Variants in ERAP1 observed in about 807,000 individuals in gnomAD.
ERAP1 encodes the protein adipocyte-derived leucine aminopeptidase.
Under a neutral mutation model 103.7 loss-of-function variants are expected in ERAP1, and 86 were observed. The observed-to-expected ratio is 0.83, with a 90% CI of 0.70 to 0.99. The LOEUF (loss-of-function observed/expected upper bound fraction) is 0.99, where lower values mean the gene tolerates loss of function less well. Ranked by LOEUF, ERAP1 falls within the 50% of genes least tolerant of loss-of-function variation. The probability of loss-of-function intolerance (pLI) is 0.00; values close to 1 mark genes in which losing one functional copy is unlikely to be tolerated. For missense variants in ERAP1, 1,009 were observed against 1,128.4 expected (o/e 0.89, Z 1.52); for synonymous variants, 398 against 402.4 (o/e 0.99, Z 0.13).
At chr5:96,866,845 C>T in the ERAP1 span, among the ~76,000 whole-genome samples, 1 of 152,202 alleles carries the variant, frequency 6.6e-6, no homozygotes, top group African/African-American at 2.4e-5. Context: ...ATAAACCATT[C>T]TGAAGCCAGG....
chr5:96,858,124 G>T, the ERAP1 span, among the ~76,000 whole-genome samples: 1 of 152,122 alleles, frequency 6.6e-6, no homozygotes, highest in Non-Finnish European at 1.5e-5. Flanking sequence ...AAGCCACAAT[G>T]GGAGATAATT....
the ERAP1 span, among the ~76,000 whole-genome samples, chr5:96,893,596 T>G: frequency 6.6e-6 from 1 of 152,328 alleles, no homozygotes; most frequent in East Asian, 1.9e-4. Flanking sequence ...CTCTGTGAGC[T>G]CTACCTCTGA....
chr5:96,782,976 A>G, intron 15 of ERAP1, 75 bp downstream of exon 15: 1 of 1,487,970 alleles, frequency 6.7e-7, no homozygotes, highest in African/African-American at 1.4e-5. Context: ...GTTTTCCCTA[A>G]TGTTTAGTAC....
chr5:96,833,385 A>T, the ERAP1 span, among the ~76,000 whole-genome samples: 2 of 152,176 alleles, frequency 1.3e-5, no homozygotes, highest in Non-Finnish European at 2.9e-5. Flanking sequence ...ATTTCTCAAC[A>T]GGTTATTTTT....
At chr5:96,891,288 A>G in the ERAP1 span, among the ~76,000 whole-genome samples, 2 of 151,756 alleles carry the variant, frequency 1.3e-5, no homozygotes, top group Non-Finnish European at 2.9e-5. Context: ...TTTTTAGCCT[A>G]CGTGAAATCA....
chr5:96,793,991 C>T (rs773916197), intron 5 of ERAP1, 34 bp from the exon 6 acceptor site: 19 of 1,608,426 alleles, frequency 1.2e-5, no homozygotes, highest in Non-Finnish European at 1.6e-5. Flanking sequence ...CATTACCAGT[C>T]TCTAAGCTAT....
chr5:96,911,955 T>C, the ERAP1 span, among the ~76,000 whole-genome samples: 9 of 150,632 alleles, frequency 6.0e-5, no homozygotes, highest in East Asian at 1.2e-3. Flanking sequence ...TTTGGGAGGC[T>C]GAGGCGGGCG....
chr5:96,859,002 C>T, the ERAP1 span, among the ~76,000 whole-genome samples: 1 of 150,968 alleles, frequency 6.6e-6, no homozygotes, highest in Admixed American at 6.6e-5. Flanking sequence ...ATATTGGTTG[C>T]TACAATTCCA....
At chr5:96,790,108 C>T (rs1776556359) in intron 10 of ERAP1, among the ~76,000 whole-genome samples, 188 bp downstream of exon 10, 1 of 152,174 alleles carries the variant, frequency 6.6e-6, no homozygotes, top group South Asian at 2.1e-4. Flanking sequence ...CTCTGCAACC[C>T]TCCAGTATAG....
chr5:96,910,245 A>G, the ERAP1 span: 1 of 149,078 alleles, frequency 6.7e-6, no homozygotes, highest in South Asian at 2.1e-4. Flanking sequence ...AGTCTGGGCA[A>G]CAGAGAAAGG....
chr5:96,783,851 AC>A lies in ERAP1; in HGVS notation c.2100+72del. 1.8e-5 allele frequency: 7 copies of A among 397,122 alleles called. 1 individual carries two copies. Among genetic ancestry groups the A allele is most frequent in the Non-Finnish European group, 2.3e-5 (7 of 301,732 alleles). The allele number at this position is 397,122 out of a possible 1,614,324, so 24.6% of individuals were successfully genotyped here. A position where few individuals can be genotyped will look rare whatever the true frequency, so the allele number is the denominator to read the frequency against. On this transcript the variant is annotated intron_variant, in intron 14 of 18. Transcript: ENST00000443439. ...CACACACACACACACACACACACAC[AC>A]ACATACACACACAATGATTAACACT...
chr5:96,933,211 C>CTTTTTTTTTTTTT, the ERAP1 span, among the ~76,000 whole-genome samples: 3 of 72,800 alleles, frequency 4.1e-5, no homozygotes, highest in African/African-American at 6.0e-5. Flanking sequence ...AAAACCACGT[C>CTTTTTTTTTTTTT]TTTTTTTTTT....
At chr5:96,839,202 G>C in the ERAP1 span, among the ~76,000 whole-genome samples, 1 of 152,232 alleles carries the variant, frequency 6.6e-6, no homozygotes, top group Non-Finnish European at 1.5e-5. Flanking sequence ...CGTAAAAGGT[G>C]TGTCACTAAC....
chr5:96,784,195 TTATAAA>T (rs1344991329), intron 13 of ERAP1, 115 bp from the exon 14 acceptor site: 1 of 1,156,844 alleles, frequency 8.6e-7, no homozygotes, highest in Non-Finnish European at 1.3e-6. Context: ...TAAATGTCCC[TTATAAA>T]TAGATAACTA....
At position 96,803,795 on chromosome 5, in the gene ERAP1, C is replaced by G. The variant is rs372008555; in HGVS notation, c.132G>C (p.Gly44=). The G allele has an allele frequency of 8.1e-6, 13 of 1,614,120 alleles. No individual in the cohort carries two copies. The highest frequency in any genetic ancestry group is 1.1e-5 in the Non-Finnish European group (13 of 1,180,034). Residue 44 remains glycine (G), a synonymous_variant, in exon 2 of 19, where the codon GGG becomes GGC. Coordinates refer to ENST00000443439, the MANE Select transcript of ERAP1 (RefSeq NM_001040458.3). ...STEASPKRSD[G]TPFPWNKIRL... is the part of the protein sequence containing the mutation. ...GTATTTTATTCCAAGGAAATGGTGT[C>G]CCATCACTACGTTTTGGAGATGCTT...
rs1777188726 is a variant in ERAP1 at position 96,795,028 on chromosome 5, T to C, written c.919+14A>G. The C allele has an allele frequency of 6.2e-7, 1 of 1,613,660 alleles. No homozygotes were observed. Among genetic ancestry groups the C allele is most frequent in the South Asian group, 1.1e-5 (1 of 91,026 alleles). On this transcript the variant is annotated intron_variant, in intron 5 of 18. Transcript: ENST00000443439. ...CATCAAATGTCATGTGTAATATCTG[T>C]GCAAAATCTCTACCTTGTTTGGGTA...
At chr5:96,895,287 T>G in the ERAP1 span, 18 of 1,612,882 alleles carry the variant, frequency 1.1e-5, no homozygotes, top group Non-Finnish European at 1.5e-5. Context: ...GGAATGATAT[T>G]TGGCTTAAGG....
At chr5:96,817,367 C>T in the ERAP1 span, among the ~76,000 whole-genome samples, 1 of 152,196 alleles carries the variant, frequency 6.6e-6, no homozygotes, top group East Asian at 1.9e-4. Flanking sequence ...TCATCTAATT[C>T]ACCTGCTCAT....
the ERAP1 span, among the ~76,000 whole-genome samples, chr5:96,899,242 A>T: frequency 6.6e-6 from 1 of 152,218 alleles, no homozygotes; most frequent in Non-Finnish European, 1.5e-5. Context: ...TTCTAAGTCC[A>T]ATAGTTATTC....
Sources: gnomAD v4.1 joint callset for allele counts (sites outside exome capture counted in the v4.1 genomes callset) on GRCh38, gnomAD v4.1.1 for gene constraint, MANE v1.5 for transcripts, NCBI Gene and HGNC (gene_info 2026-07-23, HGNC 2026-07-21) for gene names.